Variants in RPL4 observed in about 807,000 individuals in gnomAD.
RPL4 encodes the protein ribosomal protein L4.
In RPL4, 3 loss-of-function variants were observed where a neutral mutation model predicts 47.7. The observed-to-expected ratio is 0.06, with a 90% CI of 0.03 to 0.16. RPL4 has a LOEUF of 0.16. Among genes scored for constraint, RPL4 ranks in the 10% least tolerant of loss-of-function variants. The probability of loss-of-function intolerance (pLI) is 1.00; values close to 1 mark genes in which losing one functional copy is unlikely to be tolerated. For synonymous variants in RPL4, 208 were observed against 182.1 expected (o/e 1.14, Z -1.15); for missense variants, 413 against 551.3 (o/e 0.75, Z 2.51).
chr15:66,503,209 T>C (rs376497307), intron 2 of RPL4, 45 bp from the exon 3 acceptor site: 5 of 1,599,106 alleles, frequency 3.1e-6, no homozygotes, highest in East Asian at 2.2e-5. Flanking sequence ...TCATCATACA[T>C]ACCAACCCAT....
In RPL4 at chr15:66,504,823, G is replaced by A. The variant is rs768459099; in HGVS notation, c.-33C>T. 1.3e-5 allele frequency: 21 copies of A among 1,609,272 alleles called. No individual in the cohort carries two copies. The highest frequency in any genetic ancestry group is 3.3e-4 in the Middle Eastern group (2 of 6,078). On this transcript the variant is annotated 5_prime_UTR_variant, in exon 1 of 10. Transcript: ENST00000307961. ...AGAGGAGACAGCCACGCTCCTCTCA[G>A]CCCGGCTGCTGCCACAGGAAAAGGA...
chr15:66,499,717 G>C (rs559516214), intron 9 of RPL4, 65 bp from the exon 10 acceptor site: 2 of 1,594,452 alleles, frequency 1.3e-6, no homozygotes, highest in Non-Finnish European at 1.7e-6. Context: ...GTATCAGGAA[G>C]AGAAAAACAA....
In RPL4 at chr15:66,498,766, T is replaced by C. The variant is rs1893531239; in HGVS notation, c.*641A>G. The C allele has an allele frequency of 6.6e-6, 1 of 152,368 alleles. No individual in the cohort carries two copies. The highest frequency in any genetic ancestry group is 6.5e-5 in the Admixed American group (1 of 15,280). The allele number at this position is 152,368 out of a possible 1,614,324, so 9.4% of individuals were successfully genotyped here. A position where few individuals can be genotyped will look rare whatever the true frequency, so the allele number is the denominator to read the frequency against. ...ATGCACCATGACTGGCTATTTTTTATATTTTCAGTAGAGACGAGATTTCAT... is the reference window on the plus strand; with the variant it reads ...ATGCACCATGACTGGCTATTTTTTACATTTTCAGTAGAGACGAGATTTCAT... On this transcript the variant is annotated 3_prime_UTR_variant, in exon 10 of 10. Transcript: ENST00000307961.
chr15:66,504,297 C>T (rs577873560), intron 1 of RPL4, among the ~76,000 whole-genome samples: 2 of 152,258 alleles, frequency 1.3e-5, no homozygotes, highest in South Asian at 4.1e-4. Flanking sequence ...CTGTTTTGTT[C>T]GCTTAACTCC....
chr15:66,501,509 A>G lies in RPL4; in HGVS notation c.547-5T>C. The G allele has an allele frequency of 1.9e-6, 3 of 1,614,090 alleles. No homozygotes were observed. Among genetic ancestry groups the G allele is most frequent in the South Asian group, 1.1e-5 (1 of 91,074 alleles). On this transcript the variant is annotated splice_region_variant and splice_polypyrimidine_tract_variant and intron_variant, in intron 5 of 9. Coordinates refer to ENST00000307961, the MANE Select transcript of RPL4 (RefSeq NM_000968.4). ...CATTCGCTGAGAGGCATAGACCTAC[A>G]AAGTGAGCAGTTTTAGTATTCTGAT...
In RPL4 at chr15:66,501,556, G is replaced by T. The variant is rs768637369; in HGVS notation, c.547-52C>A. On this transcript the variant is annotated intron_variant, in intron 5 of 9. Transcript: ENST00000307961. ...TGATTAAGATAGAATCTCTGCAATA[G>T]ATCTTCAGAGTTTTAATTCCTTTTT... The T allele has an allele frequency of 4.4e-6, 7 of 1,603,324 alleles. No individual in the cohort carries two copies. The Middle Eastern group carries it at 5.0e-4, about 114-fold the overall frequency.
At chr15:66,501,525 G>C (rs777959358) in intron 5 of RPL4, 21 bp from the exon 6 acceptor site, 2 of 1,613,532 alleles carry the variant, frequency 1.2e-6, no homozygotes, top group Non-Finnish European at 1.7e-6. Flanking sequence ...AGCAGTTTTA[G>C]TATTCTGATT....
chr15:66,501,705 T>TA (rs1184369380), intron 5 of RPL4, 83 bp downstream of exon 5: 27 of 1,567,946 alleles, frequency 1.7e-5, no homozygotes, highest in Non-Finnish European at 2.3e-5. Flanking sequence ...AAGGATTAGC[T>TA]ATACTGCCCT....
chr15:66,501,352 A>C, intron 6 of RPL4, 23 bp downstream of exon 6: 1 of 1,614,106 alleles, frequency 6.2e-7, no homozygotes, highest in Non-Finnish European at 8.5e-7. Context: ...TACCTAGTCA[A>C]TATATGTAAG....
At chr15:66,500,578 A>T (rs989646523) in intron 7 of RPL4, 24 of 585,090 alleles carry the variant, frequency 4.1e-5, no homozygotes, top group Non-Finnish European at 6.6e-5. Context: ...TGGATCACCT[A>T]AGGTCAGGAG....
In RPL4 at chr15:66,504,830, T is replaced by A. The variant is rs762447128; in HGVS notation, c.-40A>T. 1 of 1,608,606 alleles carries A rather than the reference T, an allele frequency of 6.2e-7. No homozygotes were observed. Among genetic ancestry groups the A allele is most frequent in the Non-Finnish European group, 8.5e-7 (1 of 1,178,128 alleles). On this transcript the variant is annotated 5_prime_UTR_variant, in exon 1 of 10. Transcript: ENST00000307961. ...ACAGCCACGCTCCTCTCAGCCCGGC[T>A]GCTGCCACAGGAAAAGGAAGTGCTT...
chr15:66,503,930 T>C (rs1893686747), intron 1 of RPL4, among the ~76,000 whole-genome samples: 1 of 152,154 alleles, frequency 6.6e-6, no homozygotes, highest in African/African-American at 2.4e-5. Context: ...AGCTCACCAG[T>C]GGAAAGACTG....
Position 66,503,061 on chromosome 15 carries a change from T to C in RPL4, c.279A>G (p.Gly93=). 2 of 1,612,160 alleles carry C rather than the reference T, an allele frequency of 1.2e-6. No homozygotes were observed. Among genetic ancestry groups the C allele is most frequent in the African/African-American group, 1.3e-5 (1 of 74,936 alleles). ...TAGGTAGTGAAACAAAGGATACGTT[T>C]CCAAAAGCACCCTGGCCAGAGCGGT... ...GTHRSGQGAF[G]NMCRGGRMFA... The change falls in exon 3 of 10, where the codon GGA becomes GGG. Residue 93 remains glycine, a synonymous_variant. Coordinates refer to ENST00000307961, the MANE Select transcript of RPL4 (RefSeq NM_000968.4).
chr15:66,500,830 G>A, intron 7 of RPL4, 119 bp downstream of exon 7: 4 of 1,214,946 alleles, frequency 3.3e-6, no homozygotes, highest in Non-Finnish European at 4.6e-6. Context: ...GTCTCATTTT[G>A]GCATACTGTT....
In RPL4 at chr15:66,499,253, A is replaced by G. The variant is rs1595894511; in HGVS notation, c.*154T>C. The G allele has an allele frequency of 1.1e-6, 1 of 903,734 alleles. No homozygotes were observed. The highest frequency in any genetic ancestry group is 2.4e-5 in the Admixed American group (1 of 41,134). 56.0% of individuals were successfully genotyped at this position (903,734 alleles called of 1,614,324 possible). Reference sequence around the variant, plus strand: ...CACTATATAAAATGTAACAGTCTAAATTATGGCCAACAAAATGTCACTTTA... The same window carrying G: ...CACTATATAAAATGTAACAGTCTAAGTTATGGCCAACAAAATGTCACTTTA... On this transcript the variant is annotated 3_prime_UTR_variant, in exon 10 of 10. Transcript: ENST00000307961.
chr15:66,503,653 C>A, intron 1 of RPL4, 124 bp from the exon 2 acceptor site: 1 of 943,672 alleles, frequency 1.1e-6, no homozygotes, highest in African/African-American at 1.7e-5. Flanking sequence ...GGCAAACAAC[C>A]CTTAAACCAA....
chr15:66,500,478 CT>C, intron 7 of RPL4, 102 bp from the exon 8 acceptor site: 2 of 944,966 alleles, frequency 2.1e-6, no homozygotes, highest in Non-Finnish European at 3.3e-6. Context: ...TCCAAAATAT[CT>C]ACTACACTAT....
At position 66,501,827 on chromosome 15, in the gene RPL4, C is replaced by T; in HGVS notation, c.507G>A (p.Leu169=). 1.2e-6 allele frequency: 2 copies of T among 1,611,682 alleles called. No homozygotes were observed. Among genetic ancestry groups the T allele is most frequent in the Non-Finnish European group, 1.7e-6 (2 of 1,179,846 alleles). ...TCCAGGCTTTAAGTTTCTTAAGGAG[C>T]AAAACAGCTTCCTTGGTCTTCTTGT... ...EGYKKTKEAV[L]LLKKLKAWND... Residue 169 remains leucine, a synonymous_variant, in exon 5 of 10, where the codon TTG becomes TTA. Coordinates refer to ENST00000307961, the MANE Select transcript of RPL4 (RefSeq NM_000968.4).
rs77755295 is a variant in RPL4 at position 66,502,848 on chromosome 15, C to A, written c.283-98G>T. 144 of 1,569,184 alleles carry A rather than the reference C, an allele frequency of 9.2e-5. 1 individual carries two copies. Among genetic ancestry groups the A allele is most frequent in the Middle Eastern group, 1.7e-4 (1 of 5,988 alleles). Reference sequence around the variant, plus strand: ...AATTTTCGTCAACCTTCTGTACCAGCTTACTGACAGCAGGCAACTGTCGCT... The same window carrying A: ...AATTTTCGTCAACCTTCTGTACCAGATTACTGACAGCAGGCAACTGTCGCT... On this transcript the variant is annotated intron_variant, in intron 3 of 9. Transcript: ENST00000307961.
Sources: allele counts gnomAD v4.1 joint callset (sites outside exome capture counted in the v4.1 genomes callset), GRCh38; gene constraint gnomAD v4.1.1; transcripts MANE v1.5; gene names NCBI Gene and HGNC (gene_info 2026-07-23, HGNC 2026-07-21).